Variants in RBFOX1 observed in about 807,000 individuals in gnomAD.
The protein encoded by RBFOX1 is RNA binding fox-1 homolog 1, also known as RNA binding protein fox-1 homolog 1.
RBFOX1 carries 8 observed loss-of-function variants against 57.7 expected under a neutral mutation model. The observed-to-expected ratio is 0.14, with a 90% CI of 0.08 to 0.25. The LOEUF is 0.25. RBFOX1 is among the 10% of genes least tolerant of loss of function. RBFOX1 has a pLI of 1.00. For synonymous variants in RBFOX1, 326 were observed against 222.4 expected, an observed-to-expected ratio of 1.47 and a Z score of -4.15; for missense variants, 611 against 548.5, an observed-to-expected ratio of 1.11 and a Z score of -1.14.
chr16:6,170,515 C>G (rs991147027), intron 1 of RBFOX1, among the ~76,000 whole-genome samples: 2 of 152,080 alleles, frequency 1.3e-5, no homozygotes, highest in Admixed American at 6.6e-5. Context: ...TGATTGTATT[C>G]CATGTCAAAG....
At chr16:6,919,084 A>T (rs2073895148) in intron 3 of RBFOX1, among the ~76,000 whole-genome samples, 1 of 152,142 alleles carries the variant, frequency 6.6e-6, no homozygotes, top group South Asian at 2.1e-4. Context: ...GGTTTAAGCC[A>T]TTCTCCTGTC....
intron 3 of RBFOX1, among the ~76,000 whole-genome samples, chr16:6,939,150 A>C (rs1327910416): frequency 6.6e-6 from 1 of 152,150 alleles, no homozygotes. Context: ...ACCACTAACT[A>C]ATGGCATAGC....
At chr16:5,457,198 A>G (rs1048415301) in intron 1 of RBFOX1, among the ~76,000 whole-genome samples, 2 of 152,238 alleles carry the variant, frequency 1.3e-5, no homozygotes, top group South Asian at 4.1e-4. Context: ...GTGCAGTGAC[A>G]TGATCTTGGC....
intron 1 of RBFOX1, among the ~76,000 whole-genome samples, chr16:5,369,735 C>T: frequency 6.6e-6 from 1 of 152,154 alleles, no homozygotes; most frequent in East Asian, 1.9e-4. Context: ...GTGGTTGAAG[C>T]CACCCTTTCC....
chr16:6,816,183 C>G (rs958965466), intron 3 of RBFOX1, among the ~76,000 whole-genome samples: 1 of 152,040 alleles, frequency 6.6e-6, no homozygotes, highest in Non-Finnish European at 1.5e-5. Flanking sequence ...TGGTGATGCT[C>G]ACTTGTAATC....
At chr16:7,680,406 G>T (rs1460092718) in intron 14 of RBFOX1, among the ~76,000 whole-genome samples, 1 of 152,102 alleles carries the variant, frequency 6.6e-6, no homozygotes, top group African/African-American at 2.4e-5. Context: ...TGTCCTGCTT[G>T]CTAACACTCT....
chr16:7,056,959 C>T (rs1164761665), intron 4 of RBFOX1, among the ~76,000 whole-genome samples: 1 of 151,618 alleles, frequency 6.6e-6, no homozygotes, highest in Non-Finnish European at 1.5e-5. Context: ...CTTTACTTTA[C>T]CTATACGTAA....
At position 6,866,541 on chromosome 16, in the gene RBFOX1, A is replaced by AATTTTTTTTTT. The variant is rs761820657; in HGVS notation, c.-15-185516_-15-185515insATTTTTTTTTT. 3.4e-3 allele frequency among the ~76,000 whole-genome samples: 270 copies of AATTTTTTTTTT among 78,860 alleles called. 10 individuals carry two copies. Among genetic ancestry groups the AATTTTTTTTTT allele is most frequent in the African/African-American group, 0.014 (252 of 17,814 alleles). 51.7% of individuals were successfully genotyped at this position (78,860 alleles called of 152,430 possible). A position where few individuals can be genotyped will look rare whatever the true frequency, so the allele number is the denominator to read the frequency against. ...TAAGGTTAGGGCTTTCTTTCCTTCTATTTTTTTTTTTTTTTTTTGAGTTGG... is the reference window on the plus strand; with the variant it reads ...TAAGGTTAGGGCTTTCTTTCCTTCTAATTTTTTTTTTTTTTTTTTTTTTTTTTTTGAGTTGG... On this transcript the variant is annotated intron_variant, in intron 3 of 15. Coordinates refer to ENST00000550418, the MANE Select transcript of RBFOX1 (RefSeq NM_018723.4).
intron 3 of RBFOX1, among the ~76,000 whole-genome samples, chr16:5,831,780 T>C (rs1349512327): frequency 6.6e-6 from 1 of 152,136 alleles, no homozygotes; most frequent in East Asian, 1.9e-4. Flanking sequence ...GTATTCCTTT[T>C]TAGCCATGCA....
At chr16:7,690,498 A>G (rs888642306) in intron 14 of RBFOX1, among the ~76,000 whole-genome samples, 13 of 152,096 alleles carry the variant, frequency 8.5e-5, no homozygotes, top group African/African-American at 3.1e-4. Context: ...CAACTAAGGA[A>G]CAGACCAGTT....
At chr16:7,385,365 GGAAGTAC>G (rs2097858033) in intron 4 of RBFOX1, among the ~76,000 whole-genome samples, 1 of 152,116 alleles carries the variant, frequency 6.6e-6, no homozygotes, top group Non-Finnish European at 1.5e-5. Flanking sequence ...TGAAGGAAAT[GGAAGTAC>G]CGTTGTAGAA....
At chr16:6,776,480 T>C (rs2079377924) in intron 3 of RBFOX1, among the ~76,000 whole-genome samples, 2 of 152,098 alleles carry the variant, frequency 1.3e-5, no homozygotes. Flanking sequence ...CACAGTGCAA[T>C]TCTTTAAAGT....
At chr16:7,532,534 C>T (rs2080374398) in intron 5 of RBFOX1, among the ~76,000 whole-genome samples, 2 of 152,170 alleles carry the variant, frequency 1.3e-5, no homozygotes, top group South Asian at 2.1e-4. Flanking sequence ...GAATACAGGG[C>T]GTTGGCCATC....
At chr16:7,156,032 C>T (rs931533078) in intron 4 of RBFOX1, among the ~76,000 whole-genome samples, 1 of 151,828 alleles carries the variant, frequency 6.6e-6, no homozygotes, top group Non-Finnish European at 1.5e-5. Context: ...TACACACACG[C>T]ACACAGGTAT....
chr16:5,888,031 C>G (rs1353976541), intron 4 of RBFOX1, among the ~76,000 whole-genome samples: 1 of 152,204 alleles, frequency 6.6e-6, no homozygotes, highest in South Asian at 2.1e-4. Context: ...AGACTGCATT[C>G]CTGCAAGACA....
At chr16:5,467,262 C>G (rs1165344934) in intron 2 of RBFOX1, 16 of 1,488,598 alleles carry the variant, frequency 1.1e-5, no homozygotes, top group Non-Finnish European at 1.4e-5. Context: ...CAGGTAAGTG[C>G]TCATTTTGTC....
intron 3 of RBFOX1, among the ~76,000 whole-genome samples, chr16:6,823,573 A>C (rs1433181607): frequency 1.3e-5 from 2 of 152,040 alleles, no homozygotes; most frequent in East Asian, 3.9e-4. Context: ...TGAAATTCTT[A>C]TAAGGGAGTA....
chr16:5,728,637 G>C (rs1283131415), intron 3 of RBFOX1, among the ~76,000 whole-genome samples: 1 of 152,150 alleles, frequency 6.6e-6, no homozygotes, highest in Admixed American at 6.5e-5. Context: ...GAGCCCTCTG[G>C]GTTCCTGGGA....
At chr16:6,272,365 T>C (rs1168717441) in intron 1 of RBFOX1, among the ~76,000 whole-genome samples, 1 of 152,178 alleles carries the variant, frequency 6.6e-6, no homozygotes. Flanking sequence ...TGCAATGTCA[T>C]GTACAATGAC....
Sources: allele counts gnomAD v4.1 joint callset (sites outside exome capture counted in the v4.1 genomes callset), GRCh38; gene constraint gnomAD v4.1.1; transcripts MANE v1.5; gene names NCBI Gene and HGNC (gene_info 2026-07-23, HGNC 2026-07-21).